TRAK1: variants seen among roughly 807,000 people sequenced by gnomAD.
The protein encoded by TRAK1 is trafficking kinesin protein 1, also known as trafficking kinesin-binding protein 1.
TRAK1 carries 33 observed loss-of-function variants against 92.1 expected under a neutral mutation model. That is an observed-to-expected ratio of 0.36 (90% confidence interval 0.27 to 0.48). TRAK1 has a LOEUF of 0.48. Among genes scored for constraint, TRAK1 ranks in the 20% least tolerant of loss-of-function variants. TRAK1 has a pLI of 0.99. For synonymous variants in TRAK1, 521 were observed against 517.3 expected, an observed-to-expected ratio of 1.01 and a Z score of -0.10; for missense variants, 1,123 against 1,257.9, an observed-to-expected ratio of 0.89 and a Z score of 1.62.
intron 1 of TRAK1, chr3:42,051,630 TTCTCC>T (rs1241725056): frequency 1.3e-5 from 2 of 152,262 alleles, no homozygotes; most frequent in Non-Finnish European, 2.9e-5. Flanking sequence ...TGGCTGTCCT[TTCTCC>T]ATATGGACCA....
At chr3:42,043,731 G>A (rs1024140958) in intron 1 of TRAK1, among the ~76,000 whole-genome samples, 6 of 151,834 alleles carry the variant, frequency 4.0e-5, no homozygotes, top group Non-Finnish European at 8.8e-5. Context: ...TGGTATTTCC[G>A]GTTCTCCCAG....
intron 1 of TRAK1, among the ~76,000 whole-genome samples, chr3:42,094,091 A>G (rs953126810): frequency 2.0e-5 from 3 of 151,436 alleles, no homozygotes; most frequent in African/African-American, 7.3e-5. Flanking sequence ...TTATAATAGG[A>G]AAAAAAAATG....
At chr3:42,125,034 A>G (rs1710383522) in intron 1 of TRAK1, among the ~76,000 whole-genome samples, 1 of 152,232 alleles carries the variant, frequency 6.6e-6, no homozygotes, top group African/African-American at 2.4e-5. Flanking sequence ...ATGGTAAAAG[A>G]GTGGCATGAA....
chr3:42,183,707 G>T (rs4682937), intron 3 of TRAK1, among the ~76,000 whole-genome samples: 83,211 of 151,932 alleles, frequency 0.55, 23,814 homozygotes, highest in East Asian at 0.95. Context: ...TACCCCAAAC[G>T]ACATGTTTCC....
chr3:42,194,048 C>T (rs1706214278), intron 9 of TRAK1, 150 bp downstream of exon 9: 3 of 771,616 alleles, frequency 3.9e-6, no homozygotes, highest in Non-Finnish European at 4.1e-6. Context: ...AACCCAGTTG[C>T]ACCTTGGTTC....
rs1219855993 is a variant in TRAK1, at chr3:42,149,448, T to G, written c.286+23834T>G. On this transcript the variant is annotated intron_variant, in intron 2 of 15. Transcript: ENST00000327628. ...TTTCGGGATATTCTTCTGTCCAGTA[T>G]TCTGGAAGGGCGGGGAGGCATGGCA... is the stretch of plus-strand genomic sequence containing the variant. The G allele has an allele frequency of 2.6e-6, 4 of 1,529,042 alleles. No individual in the cohort carries two copies. In the African/African-American group the frequency reaches 5.5e-5, roughly 21 times the overall value. 94.7% of individuals were successfully genotyped at this position (1,529,042 alleles called of 1,614,324 possible). A position where few individuals can be genotyped will look rare whatever the true frequency, so the allele number is the denominator to read the frequency against.
Position 42,202,272 on chromosome 3 carries a change from C to T in TRAK1, c.1428-164C>T, listed in dbSNP as rs886256117. ...CCCCTGGCGGGAGTGGTTCTGGACACGAATTTATTTCCCCCTGTTGCCTAA... is the reference window on the plus strand; with the variant it reads ...CCCCTGGCGGGAGTGGTTCTGGACATGAATTTATTTCCCCCTGTTGCCTAA... On this transcript the variant is annotated intron_variant, in intron 12 of 15. Transcript: ENST00000327628. The surrounding 1 kb of genome is among the most constrained non-coding windows in gnomAD (Gnocchi z 6.1). Among the ~76,000 whole-genome samples, 5 of 152,090 alleles carry T rather than the reference C, an allele frequency of 3.3e-5. No homozygotes were observed. The highest frequency in any genetic ancestry group is 2.0e-4 in the Admixed American group (3 of 15,282).
intron 2 of TRAK1, chr3:42,160,199 AC>A (rs1701089591): frequency 7.1e-7 from 1 of 1,411,474 alleles, no homozygotes; most frequent in African/African-American, 1.5e-5. Flanking sequence ...CTTTGTGTAC[AC>A]CCCTCCACTT....
Position 42,202,524 on chromosome 3 carries a change from C to T in TRAK1, c.1516C>T (p.Arg506Trp), listed in dbSNP as rs748725138. 75 of 1,546,172 alleles carry T rather than the reference C, an allele frequency of 4.9e-5. No individual in the cohort carries two copies. The highest frequency in any genetic ancestry group is 5.8e-5 in the Non-Finnish European group (66 of 1,139,268). Residue 506 changes from arginine (R) to tryptophan (W), a missense_variant, in exon 13 of 16, where the codon CGG becomes TGG. By Grantham distance (101) the Arg-to-Trp change is moderately radical. Coordinates refer to ENST00000327628, the MANE Select transcript of TRAK1 (RefSeq NM_001042646.3). This position sits in a 1 kb window ranked among gnomAD's most constrained non-coding sequence, Gnocchi z 6.1. ...GGCGCTGAGGCGGCTGTCCCTGCGCCGGGAGAACTACCTCTCGGAGAGGAG... is the reference window on the plus strand; with the variant it reads ...GGCGCTGAGGCGGCTGTCCCTGCGCTGGGAGAACTACCTCTCGGAGAGGAG... ...ETALRRLSLR[R>W]ENYLSERRFF...
chr3:42,158,440 A>G (rs1411116258), intron 2 of TRAK1, among the ~76,000 whole-genome samples: 2 of 152,206 alleles, frequency 1.3e-5, no homozygotes, highest in Non-Finnish European at 2.9e-5. Context: ...GCCCACTGTC[A>G]TCTGAATTGA....
intron 2 of TRAK1, among the ~76,000 whole-genome samples, chr3:42,173,350 G>A (rs1041437704): frequency 6.6e-6 from 1 of 152,096 alleles, no homozygotes; most frequent in African/African-American, 2.4e-5. Flanking sequence ...CTAGGAAGTT[G>A]GTATTTGAAA....
intron 1 of TRAK1, among the ~76,000 whole-genome samples, chr3:42,110,974 G>T (rs1235737961): frequency 3.3e-5 from 5 of 152,200 alleles, no homozygotes; most frequent in Admixed American, 6.5e-5. Flanking sequence ...GACAGAGACT[G>T]CTGGTAATCA....
intron 1 of TRAK1, among the ~76,000 whole-genome samples, chr3:42,056,468 CT>C (rs1425260257): frequency 1.3e-5 from 2 of 152,024 alleles, no homozygotes; most frequent in Non-Finnish European, 2.9e-5. Context: ...TGCTTGTTGA[CT>C]TTTGAAATTA....
chr3:42,033,658 T>C (rs1288725651), intron 1 of TRAK1, among the ~76,000 whole-genome samples: 1 of 152,172 alleles, frequency 6.6e-6, no homozygotes, highest in Non-Finnish European at 1.5e-5. Context: ...TTTTTTCATC[T>C]AGAATAAGAC....
intron 10 of TRAK1, among the ~76,000 whole-genome samples, chr3:42,196,005 C>T (rs1706568851): frequency 6.6e-6 from 1 of 152,204 alleles, no homozygotes; most frequent in Non-Finnish European, 1.5e-5. Context: ...ATCCACTCCA[C>T]TGCCTTCCCC....
chr3:42,166,337 A>C (rs906561461), intron 2 of TRAK1, among the ~76,000 whole-genome samples: 1 of 152,164 alleles, frequency 6.6e-6, no homozygotes, highest in African/African-American at 2.4e-5. Context: ...TGCCAGGCTC[A>C]TGGTGAGGGT....
At chr3:42,193,956 C>T (rs751661513) in intron 9 of TRAK1, 58 bp downstream of exon 9, 2 of 1,495,990 alleles carry the variant, frequency 1.3e-6, no homozygotes, top group Non-Finnish European at 9.2e-7. Flanking sequence ...GTGGATTAGC[C>T]TTCCCGGACA....
intron 7 of TRAK1, 74 bp downstream of exon 7, chr3:42,191,710 G>T: frequency 6.7e-7 from 1 of 1,499,688 alleles, no homozygotes; most frequent in Non-Finnish European, 9.0e-7. Context: ...CGTCAGCCTT[G>T]CTAAAGTGCA....
chr3:42,180,907 CT>C (rs1240696310), intron 3 of TRAK1, among the ~76,000 whole-genome samples: 1 of 151,924 alleles, frequency 6.6e-6, no homozygotes, highest in African/African-American at 2.4e-5. Context: ...TGACTTCTTG[CT>C]TTTTCTTCTG....
Sources: allele counts gnomAD v4.1 joint callset (sites outside exome capture counted in the v4.1 genomes callset), GRCh38; gene constraint gnomAD v4.1.1; non-coding constraint Gnocchi (gnomAD v3.1); transcripts MANE v1.5; gene names NCBI Gene and HGNC (gene_info 2026-07-23, HGNC 2026-07-21).